GLIS3: variants seen among roughly 807,000 people sequenced by gnomAD.
GLIS3 encodes the protein zinc finger protein GLIS3.
A neutral mutation model predicts 78.6 loss-of-function variants in GLIS3; 53 were observed. That is an observed-to-expected ratio of 0.67 (90% CI 0.54 to 0.85). The LOEUF (loss-of-function observed/expected upper bound fraction) is 0.85. GLIS3 is among the 40% of genes least tolerant of loss of function. The pLI, the probability that GLIS3 is intolerant of heterozygous loss-of-function variation, is 0.00. For synonymous variants in GLIS3, 684 were observed against 509.9 expected (o/e 1.34, Z -4.60); for missense variants, 1,703 against 1,231.1 (o/e 1.38, Z -5.74).
chr9:4,187,602 C>A (rs1365784767), intron 2 of GLIS3, among the ~76,000 whole-genome samples: 13 of 152,162 alleles, frequency 8.5e-5, no homozygotes, highest in South Asian at 4.2e-4. Context: ...GGCCATTTTC[C>A]CGATATTGAT....
chr9:4,379,842 A>G, the GLIS3 span, among the ~76,000 whole-genome samples: 1 of 152,182 alleles, frequency 6.6e-6, no homozygotes, highest in Admixed American at 6.5e-5. Flanking sequence ...CCAATATTTG[A>G]CACACATCAT....
At chr9:4,413,977 G>A in the GLIS3 span, among the ~76,000 whole-genome samples, 475 of 152,166 alleles carry the variant, frequency 3.1e-3, 1 homozygote, top group African/African-American at 0.011. Flanking sequence ...GTGGCCAGAT[G>A]TTTCTTATTT....
intron 4 of GLIS3, among the ~76,000 whole-genome samples, chr9:3,984,701 G>A (rs1412791898): frequency 6.6e-6 from 1 of 152,160 alleles, no homozygotes; most frequent in Non-Finnish European, 1.5e-5. Context: ...AAATTTTGGA[G>A]GGGCCAGGGA....
intron 2 of GLIS3, among the ~76,000 whole-genome samples, chr9:4,176,339 C>G (rs913219769): frequency 6.6e-6 from 1 of 152,148 alleles, no homozygotes; most frequent in African/African-American, 2.4e-5. Flanking sequence ...TAGGCTATTT[C>G]TCTCTAGTCT....
At chr9:4,308,841 G>T (rs1272403536) in exon 4 of GLIS3, 1 of 152,206 alleles carries the variant, frequency 6.6e-6, no homozygotes, top group African/African-American at 2.4e-5. Flanking sequence ...CAGCTGGAGA[G>T]GCTGAATTGA....
At chr9:3,831,355 C>A (rs983304000) in intron 9 of GLIS3, among the ~76,000 whole-genome samples, 4 of 152,162 alleles carry the variant, frequency 2.6e-5, no homozygotes, top group African/African-American at 9.7e-5. Flanking sequence ...TATAATTGAT[C>A]ATCCAATATG....
intron 4 of GLIS3, among the ~76,000 whole-genome samples, chr9:4,102,951 T>C (rs867018457): frequency 2.6e-5 from 4 of 151,756 alleles, no homozygotes; most frequent in Non-Finnish European, 5.9e-5. Flanking sequence ...CAGGAGGCAA[T>C]AGAAAGGAAA....
the GLIS3 span, among the ~76,000 whole-genome samples, chr9:4,414,735 A>G: frequency 2.6e-5 from 4 of 151,944 alleles, no homozygotes; most frequent in African/African-American, 9.7e-5. Flanking sequence ...GAACCCTGCT[A>G]AATTGTTTTA....
chr9:4,397,605 C>T, the GLIS3 span, among the ~76,000 whole-genome samples: 1 of 150,190 alleles, frequency 6.7e-6, no homozygotes, highest in Non-Finnish European at 1.5e-5. Flanking sequence ...AGCCCATTCC[C>T]CCTGCAAAGC....
At chr9:4,199,074 G>A (rs1201030132) in intron 2 of GLIS3, among the ~76,000 whole-genome samples, 5 of 152,146 alleles carry the variant, frequency 3.3e-5, no homozygotes, top group Non-Finnish European at 7.4e-5. Flanking sequence ...TTCCAAACAT[G>A]GAAAGGAAAG....
At chr9:4,218,878 T>C (rs1429980372) in intron 2 of GLIS3, among the ~76,000 whole-genome samples, 3 of 152,152 alleles carry the variant, frequency 2.0e-5, no homozygotes, top group Non-Finnish European at 1.5e-5. Context: ...CTCTAAACAC[T>C]TTCATGGCTT....
intron 8 of GLIS3, among the ~76,000 whole-genome samples, 190 bp downstream of exon 8, chr9:3,879,237 C>A (rs1252153643): frequency 6.6e-6 from 1 of 152,124 alleles, no homozygotes; most frequent in Non-Finnish European, 1.5e-5. Context: ...TTTGTTTTCC[C>A]GTGGAAAAAT....
chr9:4,411,099 C>T, the GLIS3 span, among the ~76,000 whole-genome samples: 2 of 152,064 alleles, frequency 1.3e-5, no homozygotes, highest in African/African-American at 4.8e-5. Context: ...TATTAGTAAA[C>T]ACAACAGATG....
At chr9:4,262,211 T>G (rs1825596664) in intron 2 of GLIS3, among the ~76,000 whole-genome samples, 1 of 152,160 alleles carries the variant, frequency 6.6e-6, no homozygotes, top group Non-Finnish European at 1.5e-5. Context: ...GGCTACCTCC[T>G]GGATGGGAGG....
At chr9:4,256,534 T>G (rs909824657) in intron 2 of GLIS3, among the ~76,000 whole-genome samples, 2 of 152,166 alleles carry the variant, frequency 1.3e-5, no homozygotes, top group African/African-American at 2.4e-5. Flanking sequence ...ACTTTGGAAA[T>G]AGAAACTGGT....
At chr9:4,411,951 G>A in the GLIS3 span, among the ~76,000 whole-genome samples, 1 of 152,260 alleles carries the variant, frequency 6.6e-6, no homozygotes, top group South Asian at 2.1e-4. Flanking sequence ...AAATAATCTG[G>A]CCTAATACTA....
chr9:3,898,877 G>A, intron 6 of GLIS3, 42 bp from the exon 7 acceptor site: 1 of 1,612,438 alleles, frequency 6.2e-7, no homozygotes, highest in Non-Finnish European at 8.5e-7. Context: ...AGGAGAGCCG[G>A]TCCTTGGAAT....
chr9:4,279,788 T>C (rs1007824155), intron 2 of GLIS3, among the ~76,000 whole-genome samples: 4 of 151,900 alleles, frequency 2.6e-5, no homozygotes, highest in African/African-American at 9.7e-5. Flanking sequence ...TCCTGTATCA[T>C]TCCTTTACTT....
intron 2 of GLIS3, 148 bp downstream of exon 2, chr9:4,285,890 C>T (rs996964207): frequency 2.1e-6 from 2 of 972,676 alleles, no homozygotes; most frequent in Non-Finnish European, 3.2e-6. Context: ...CATTCCCTTA[C>T]TGAGCAAGCT....
Sources: gnomAD v4.1 joint callset for allele counts (sites outside exome capture counted in the v4.1 genomes callset) on GRCh38, gnomAD v4.1.1 for gene constraint, MANE v1.5 for transcripts, NCBI Gene and HGNC (gene_info 2026-07-23, HGNC 2026-07-21) for gene names.